Variants in FYB1 observed in about 807,000 individuals in gnomAD.
The protein encoded by FYB1 is FYN binding protein 1, also known as FYN-binding protein 1.
Under a neutral mutation model 94.1 loss-of-function variants are expected in FYB1, and 41 were observed. That is an observed-to-expected ratio of 0.44 (90% CI 0.34 to 0.57). FYB1 has a LOEUF of 0.57. Ranked by LOEUF, FYB1 falls within the 20% of genes least tolerant of loss-of-function variation. FYB1 has a pLI of 0.02. For synonymous variants in FYB1, 367 were observed against 353.2 expected, an observed-to-expected ratio of 1.04 and a Z score of -0.44; for missense variants, 1,050 against 976.8, an observed-to-expected ratio of 1.07 and a Z score of -1.00.
chr5:39,116,207 C>T (rs1739554104), intron 16 of FYB1, among the ~76,000 whole-genome samples: 1 of 152,144 alleles, frequency 6.6e-6, no homozygotes, highest in African/African-American at 2.4e-5. Context: ...TTTGCAGAAT[C>T]ACTTTATGGG....
At chr5:39,266,807 C>T (rs1377717549) in intron 1 of FYB1, among the ~76,000 whole-genome samples, 1 of 152,166 alleles carries the variant, frequency 6.6e-6, no homozygotes, top group Non-Finnish European at 1.5e-5. Flanking sequence ...TAGGAAAACT[C>T]ATAGTGACCA....
chr5:39,157,726 A>T (rs895745727), intron 2 of FYB1, among the ~76,000 whole-genome samples: 8 of 152,114 alleles, frequency 5.3e-5, no homozygotes, highest in African/African-American at 1.9e-4. Flanking sequence ...TCAGGGGGGG[A>T]ATGCCTGGGT....
Position 39,237,663 on chromosome 5 carries a change from TGA to T in FYB1, c.-27-34678_-27-34677del, listed in dbSNP as rs1579758178. On this transcript the variant is annotated intron_variant, in intron 1 of 1. Coordinates refer to the FYB1 transcript ENST00000510188. ...ATGACTACAATACTTCAAGACAAAA[TGA>T]GAGATACTGATGATGGCATAGGTGG... 2.0e-5 allele frequency among the ~76,000 whole-genome samples: 3 copies of T among 152,116 alleles called. No individual in the cohort carries two copies. The East Asian group carries it at 5.8e-4, about 29-fold the overall frequency.
In FYB1 at chr5:39,212,673, C is replaced by CTCACCTTTGTTA. The variant is rs1158711169; in HGVS notation, c.-28+6758_-28+6769dup. 2.6e-5 allele frequency: 4 copies of CTCACCTTTGTTA among 152,324 alleles called. No individual in the cohort carries two copies. In the East Asian group the frequency reaches 7.7e-4, roughly 29 times the overall value. 9.4% of individuals were successfully genotyped at this position (152,324 alleles called of 1,614,324 possible). A position where few individuals can be genotyped will look rare whatever the true frequency, so the allele number is the denominator to read the frequency against. ...CTCTGTCATAAGATGAGCATCTTTT[C>CTCACCTTTGTTA]TCACCTTTGTTATAATGGTGCTCTT... On this transcript the variant is annotated intron_variant, in intron 1 of 18. Coordinates refer to ENST00000512982, the MANE Select transcript of FYB1 (RefSeq NM_001465.6).
At chr5:39,191,105 A>G (rs1239394189) in intron 2 of FYB1, among the ~76,000 whole-genome samples, 1 of 152,168 alleles carries the variant, frequency 6.6e-6, no homozygotes, top group Non-Finnish European at 1.5e-5. Context: ...ATACTCAAAC[A>G]TGGTATGGAT....
intron 3 of FYB1, among the ~76,000 whole-genome samples, chr5:39,148,155 TTATATATA>T (rs10528848): frequency 0.04 from 1,488 of 37,422 alleles, 48 homozygotes; most frequent in South Asian, 0.057. Flanking sequence ...TATGTATTTT[TTATATATA>T]TATATATATA....
chr5:39,166,974 A>C (rs1175649832), intron 2 of FYB1, among the ~76,000 whole-genome samples: 1 of 152,206 alleles, frequency 6.6e-6, no homozygotes, highest in Admixed American at 6.5e-5. Flanking sequence ...AAAAGAAAGG[A>C]GGGACCCTGA....
rs368087503 is a variant in FYB1, at chr5:39,141,134, C to A, written c.1300G>T (p.Val434Phe). The change falls in exon 4 of 19, where the codon GTC becomes TTC. Residue 434 changes from valine to phenylalanine, a missense_variant. By Grantham distance (50) the Val-to-Phe change is conservative. Transcript: ENST00000512982. ...ACACCATCTTGATTGTCTTCATTGA[C>A]AGGGCTTCTGAAAACGAGAAAGAAG... ...IKPPFDLKSP[V>F]NEDNQDGVTH... The A allele has an allele frequency of 7.5e-6, 12 of 1,593,354 alleles. No homozygotes were observed. The African/African-American group carries it at 1.5e-4, about 20-fold the overall frequency.
At chr5:39,182,941 G>C (rs1746391280) in intron 2 of FYB1, among the ~76,000 whole-genome samples, 2 of 152,200 alleles carry the variant, frequency 1.3e-5, no homozygotes, top group Admixed American at 6.5e-5. Flanking sequence ...ATAAGCTACA[G>C]ACAGGTCTCA....
At chr5:39,159,990 C>T (rs1434648403) in intron 2 of FYB1, among the ~76,000 whole-genome samples, 1 of 152,162 alleles carries the variant, frequency 6.6e-6, no homozygotes, top group Non-Finnish European at 1.5e-5. Context: ...TTTTGTTCCT[C>T]TTCTTCATGG....
At chr5:39,155,573 GTGTATAATTTC>G (rs1388194610) in intron 2 of FYB1, among the ~76,000 whole-genome samples, 2 of 152,058 alleles carry the variant, frequency 1.3e-5, no homozygotes, top group African/African-American at 4.8e-5. Flanking sequence ...CAATCCTTTC[GTGTATAATTTC>G]TGTCACTACA....
At chr5:39,109,383 T>A (rs1168837992) in intron 17 of FYB1, among the ~76,000 whole-genome samples, 1 of 152,090 alleles carries the variant, frequency 6.6e-6, no homozygotes, top group African/African-American at 2.4e-5. Flanking sequence ...CTTTCTAAAT[T>A]CTCTCAATCA....
At chr5:39,112,752 A>G (rs1464747840) in intron 16 of FYB1, among the ~76,000 whole-genome samples, 1 of 152,068 alleles carries the variant, frequency 6.6e-6, no homozygotes, top group East Asian at 1.9e-4. Flanking sequence ...TACTTATAAA[A>G]AACACATTCT....
chr5:39,184,204 G>T (rs1224831424), intron 2 of FYB1, among the ~76,000 whole-genome samples: 1 of 152,150 alleles, frequency 6.6e-6, no homozygotes, highest in Non-Finnish European at 1.5e-5. Flanking sequence ...GCAGATTGTT[G>T]TCAAAGTTTT....
At chr5:39,208,189 A>G (rs1031530440) in intron 1 of FYB1, among the ~76,000 whole-genome samples, 13 of 152,228 alleles carry the variant, frequency 8.5e-5, no homozygotes, top group Admixed American at 1.3e-4. Context: ...ATCATGGGAA[A>G]CTAATGAATT....
intron 1 of FYB1, among the ~76,000 whole-genome samples, chr5:39,217,577 T>G (rs894777199): frequency 6.6e-6 from 1 of 152,156 alleles, no homozygotes; most frequent in Non-Finnish European, 1.5e-5. Flanking sequence ...ATGGAGACGT[T>G]ACTGTTATCC....
intron 1 of FYB1, among the ~76,000 whole-genome samples, chr5:39,230,952 A>G (rs1053160533): frequency 2.6e-5 from 4 of 151,992 alleles, no homozygotes; most frequent in Admixed American, 2.6e-4. Flanking sequence ...CAACCGTAAT[A>G]AAAATGGAGC....
chr5:39,164,791 G>A (rs1744572821), intron 2 of FYB1, among the ~76,000 whole-genome samples: 1 of 152,162 alleles, frequency 6.6e-6, no homozygotes. Context: ...TTTAATAAAG[G>A]AAATTGCCTG....
At chr5:39,232,875 T>C (rs1750808335) in intron 1 of FYB1, among the ~76,000 whole-genome samples, 2 of 152,106 alleles carry the variant, frequency 1.3e-5, no homozygotes, top group African/African-American at 2.4e-5. Context: ...ATTTCATCCA[T>C]GTCCCTACAA....
Sources: gnomAD v4.1 joint callset for allele counts (sites outside exome capture counted in the v4.1 genomes callset) on GRCh38, gnomAD v4.1.1 for gene constraint, MANE v1.5 for transcripts, NCBI Gene and HGNC (gene_info 2026-07-23, HGNC 2026-07-21) for gene names.